MADD: variants seen among roughly 807,000 people sequenced by gnomAD.
The protein encoded by MADD is MAP kinase-activating death domain protein.
A neutral mutation model predicts 176.7 loss-of-function variants in MADD; 109 were observed. The ratio of observed to expected loss-of-function variants is 0.62; its 90% CI spans 0.53 to 0.72. The LOEUF is 0.72. MADD is among the 30% of genes least tolerant of loss of function. MADD has a pLI of 0.00. For missense variants in MADD, 1,914 were observed against 2,045.5 expected (o/e 0.94, Z 1.24); for synonymous variants, 771 against 771.3 (o/e 1.00, Z 0.01).
In MADD at chr11:47,290,645, G is replaced by T. The variant is rs552837467; in HGVS notation, c.3130G>T (p.Val1044Leu). ...GCGGAAGAGAAGTCCAACAGAAAGT[G>T]TAAATACCCCAGTTGGCAAGGATCC... The change falls in exon 19 of 33, where the codon GTA becomes TTA. Residue 1044 changes from valine (V) to leucine (L), a missense_variant. Transcript: ENST00000402192. The T allele has an allele frequency of 5.0e-5, 80 of 1,614,042 alleles. 1 individual carries two copies. The South Asian group carries it at 8.3e-4, about 17-fold the overall frequency.
chr11:47,285,180 T>C, exon 13 of MADD: 1 of 1,613,826 alleles, frequency 6.2e-7, no homozygotes, highest in Non-Finnish European at 8.5e-7. Context: ...TCAGCCAACA[T>C]GTCAGTGGCA....
Position 47,282,374 on chromosome 11 carries a change from T to G in MADD, c.1470-7T>G. 1 of 1,612,358 alleles carries G rather than the reference T, an allele frequency of 6.2e-7. No individual in the cohort carries two copies. Among genetic ancestry groups the G allele is most frequent in the South Asian group, 1.1e-5 (1 of 91,048 alleles). ...GTCTCAGATTATCTCATCATCTGCT[T>G]CCCCAGGGTTGCCATGGTACGGTTC... On this transcript the variant is annotated splice_polypyrimidine_tract_variant and splice_region_variant and intron_variant, in intron 8 of 32. Coordinates refer to ENST00000402192, the Ensembl canonical transcript of MADD.
At chr11:47,274,700 G>A (rs760782697) in exon 3 of MADD, 10 of 1,614,070 alleles carry the variant, frequency 6.2e-6, no homozygotes, top group Admixed American at 3.3e-5. Context: ...GTGCGGCAGC[G>A]GCGCATGAGC....
At chr11:47,321,066 T>C (rs1177818652) in intron 27 of MADD, among the ~76,000 whole-genome samples, 1 of 152,168 alleles carries the variant, frequency 6.6e-6, no homozygotes, top group Non-Finnish European at 1.5e-5. Flanking sequence ...TTCGGTAGAT[T>C]TTGCCAAATT....
intron 1 of MADD, chr11:47,272,254 A>C (rs1175295418): frequency 6.6e-6 from 1 of 152,192 alleles, no homozygotes; most frequent in Non-Finnish European, 1.5e-5. Context: ...TATAGAGATA[A>C]AACTGAATCC....
intron 27 of MADD, among the ~76,000 whole-genome samples, chr11:47,315,678 T>C (rs2092609121): frequency 6.6e-6 from 1 of 152,150 alleles, no homozygotes. Context: ...TTTGATCATG[T>C]TGGCCAGGCT....
intron 7 of MADD, among the ~76,000 whole-genome samples, chr11:47,280,180 C>T (rs1204102078): frequency 6.6e-6 from 1 of 152,178 alleles, no homozygotes; most frequent in Non-Finnish European, 1.5e-5. Flanking sequence ...TAACACATGA[C>T]AAAGCTTCAT....
intron 32 of MADD, 131 bp downstream of exon 36, chr11:47,328,835 A>G (rs2142716818): frequency 1.6e-6 from 2 of 1,231,700 alleles, no homozygotes; most frequent in East Asian, 4.9e-5. Context: ...CCAAAGGTTC[A>G]ACTCAGGCTG....
At chr11:47,277,028 C>T (rs948957903) in intron 5 of MADD, among the ~76,000 whole-genome samples, 165 bp downstream of exon 5, 1 of 152,168 alleles carries the variant, frequency 6.6e-6, no homozygotes, top group Non-Finnish European at 1.5e-5. Context: ...AAGGCTTATG[C>T]TATTTTAGTT....
At chr11:47,286,587 G>A (rs1486667518) in intron 15 of MADD, 53 bp downstream of exon 15, 8 of 1,408,756 alleles carry the variant, frequency 5.7e-6, no homozygotes, top group African/African-American at 4.2e-5. Flanking sequence ...GATGTTTCGG[G>A]CTGTGGGTTC....
exon 27 of MADD, chr11:47,315,302 C>A (rs372192268): frequency 6.2e-7 from 1 of 1,613,234 alleles, no homozygotes. Context: ...GGGACAGATA[C>A]AAACGGAGAT....
intron 21 of MADD, 130 bp downstream of exon 23, chr11:47,295,709 C>T: frequency 6.4e-7 from 1 of 1,550,886 alleles, no homozygotes; most frequent in African/African-American, 1.4e-5. Flanking sequence ...GAGATGTTTA[C>T]CATCATAGGT....
exon 9 of MADD, chr11:47,282,399 C>A: frequency 1.2e-6 from 2 of 1,614,140 alleles, no homozygotes; most frequent in Non-Finnish European, 1.7e-6. Flanking sequence ...TGGTACGGTT[C>A]TTCAATTCCG....
At chr11:47,324,561 A>G in exon 30 of MADD, 1 of 1,613,340 alleles carries the variant, frequency 6.2e-7, no homozygotes, top group South Asian at 1.1e-5. Flanking sequence ...ATCAACCTCA[A>G]ATTCATGCAC....
At chr11:47,315,796 A>G (rs970342335) in intron 27 of MADD, among the ~76,000 whole-genome samples, 4 of 149,748 alleles carry the variant, frequency 2.7e-5, no homozygotes, top group Middle Eastern at 3.6e-3. Context: ...TTGTTATTCA[A>G]ATAATTAAAT....
At chr11:47,299,611 T>TTTTA in intron 22 of MADD, among the ~76,000 whole-genome samples, 1 of 56,346 alleles carries the variant, frequency 1.8e-5, no homozygotes, top group Non-Finnish European at 3.1e-5. Flanking sequence ...TTTTTTTTTT[T>TTTTA]TAGATGGAAC....
intron 16 of MADD, 134 bp from the exon 18 acceptor site, chr11:47,289,732 GA>G: frequency 9.8e-7 from 1 of 1,021,858 alleles, no homozygotes; most frequent in Non-Finnish European, 1.5e-6. Flanking sequence ...GAGAGGTGGG[GA>G]TGTGGTGCAC....
chr11:47,280,983 C>T (rs2056109002), intron 7 of MADD, among the ~76,000 whole-genome samples: 1 of 152,252 alleles, frequency 6.6e-6, no homozygotes, highest in Non-Finnish European at 1.5e-5. Context: ...ATCACTCGGG[C>T]TTGTTAAAGT....
At position 47,285,211 on chromosome 11, in the gene MADD, C is replaced by G; in HGVS notation, c.2411+17C>G. The G allele has an allele frequency of 6.2e-7, 1 of 1,611,800 alleles. No individual in the cohort carries two copies. The highest frequency in any genetic ancestry group is 1.1e-5 in the South Asian group (1 of 90,960). ...TGGCAATCGGTGAGAGCCTGGGCAT[C>G]CCTTCTAGATGGGTGACTGAAGGAC... On this transcript the variant is annotated intron_variant, in intron 13 of 32. Transcript: ENST00000402192.
Sources: allele counts gnomAD v4.1 joint callset (sites outside exome capture counted in the v4.1 genomes callset), GRCh38; gene constraint gnomAD v4.1.1; transcripts MANE v1.5; gene names NCBI Gene and HGNC (gene_info 2026-07-23, HGNC 2026-07-21).